The following NR5A2 variants were observed in gnomAD, a reference collection of about 807,000 sequenced individuals.
The protein encoded by NR5A2 is CYP7A promoter-binding factor.
In NR5A2, 26 loss-of-function variants were observed where a neutral mutation model predicts 62.7. The ratio of observed to expected loss-of-function variants is 0.41; its 90% CI spans 0.30 to 0.58. NR5A2 has a LOEUF of 0.58. NR5A2 is among the 20% of genes least tolerant of loss of function. NR5A2 has a pLI of 0.22. For missense variants in NR5A2, 541 were observed against 669.1 expected, an observed-to-expected ratio of 0.81 and a Z score of 2.11; for synonymous variants, 246 against 241.7, an observed-to-expected ratio of 1.02 and a Z score of -0.16.
intron 5 of NR5A2, among the ~76,000 whole-genome samples, chr1:200,056,841 A>C (rs1161770487): frequency 6.6e-6 from 1 of 152,176 alleles, no homozygotes; most frequent in East Asian, 1.9e-4. Flanking sequence ...GGCACACCCA[A>C]GAAATCCATG....
At chr1:200,148,357 GGC>G (rs1249973285) in intron 7 of NR5A2, 1 of 157,752 alleles carries the variant, frequency 6.3e-6, no homozygotes, top group African/African-American at 2.4e-5. Flanking sequence ...ACTGCAGCAT[GGC>G]CTAGCAGGGA....
chr1:200,142,237 T>G (rs1180720771), intron 7 of NR5A2, among the ~76,000 whole-genome samples: 2 of 125,908 alleles, frequency 1.6e-5, no homozygotes, highest in Non-Finnish European at 3.2e-5. Flanking sequence ...CCTTGCTCTG[T>G]TGCCCAGGCT....
chr1:200,113,484 A>C (rs1292123126), intron 6 of NR5A2, among the ~76,000 whole-genome samples: 2 of 152,260 alleles, frequency 1.3e-5, no homozygotes, highest in Admixed American at 1.3e-4. Flanking sequence ...ATAGGATGGA[A>C]GCAAAAGTGC....
At chr1:200,033,137 ACTCTGGAGTTTCCTGGAAAGGAT>A (rs1177102913) in intron 1 of NR5A2, among the ~76,000 whole-genome samples, 1 of 152,054 alleles carries the variant, frequency 6.6e-6, no homozygotes, top group Non-Finnish European at 1.5e-5. Context: ...CTGGTCCCCT[ACTCTGGAGTTTCCTGGAAAGGAT>A]CTCTGGAGTT....
intron 5 of NR5A2, among the ~76,000 whole-genome samples, chr1:200,097,373 A>G (rs143698386): frequency 6.6e-6 from 1 of 152,298 alleles, no homozygotes; most frequent in African/African-American, 2.4e-5. Flanking sequence ...CAAGGGAGAC[A>G]AAAGAACTCC....
chr1:200,126,432 C>T (rs1666703278), intron 7 of NR5A2, among the ~76,000 whole-genome samples: 1 of 152,118 alleles, frequency 6.6e-6, no homozygotes, highest in Admixed American at 6.5e-5. Flanking sequence ...TTTTACTCCT[C>T]ATGTACTGCC....
chr1:200,095,787 T>C (rs572162809), intron 5 of NR5A2, among the ~76,000 whole-genome samples: 6 of 151,934 alleles, frequency 3.9e-5, no homozygotes, highest in Admixed American at 1.3e-4. Flanking sequence ...CTCCTGACCT[T>C]GTGATCTGCC....
intron 7 of NR5A2, among the ~76,000 whole-genome samples, chr1:200,161,832 G>A (rs1032579654): frequency 6.6e-6 from 1 of 152,148 alleles, no homozygotes; most frequent in Non-Finnish European, 1.5e-5. Flanking sequence ...GTATTCATGG[G>A]CACTGAATAC....
intron 6 of NR5A2, 149 bp downstream of exon 6, chr1:200,111,470 C>G (rs1665954932): frequency 1.2e-6 from 1 of 800,900 alleles, no homozygotes; most frequent in Admixed American, 3.0e-5. Flanking sequence ...TTGGTGCACT[C>G]TGTTCCTGCT....
rs549965292 is a variant in NR5A2, at chr1:200,135,860, C to T, written c.1378+14905C>T. Among the ~76,000 whole-genome samples, 30 of 152,298 alleles carry T rather than the reference C, an allele frequency of 2.0e-4. No individual in the cohort carries two copies. In the South Asian group the frequency reaches 5.6e-3, roughly 28 times the overall value. On this transcript the variant is annotated intron_variant, in intron 7 of 7. Coordinates refer to ENST00000367362, the MANE Select transcript of NR5A2 (RefSeq NM_205860.3). ...AGTCATAGAAATGAAGGCTGCTTAT[C>T]GGGAAATGCCTCTTCTCAGATACAA...
chr1:200,097,761 A>G (rs1293818774), intron 5 of NR5A2, among the ~76,000 whole-genome samples: 2 of 152,190 alleles, frequency 1.3e-5, no homozygotes, highest in African/African-American at 4.8e-5. Context: ...GGGAGTGTGT[A>G]GGCGGTGTGT....
At chr1:200,130,959 A>G (rs1000122449) in intron 7 of NR5A2, among the ~76,000 whole-genome samples, 1 of 152,246 alleles carries the variant, frequency 6.6e-6, no homozygotes, top group Admixed American at 6.5e-5. Context: ...TTTCATATGT[A>G]ATATTCTAAT....
intron 7 of NR5A2, among the ~76,000 whole-genome samples, chr1:200,150,251 A>G (rs1398806512): frequency 6.6e-6 from 1 of 152,224 alleles, no homozygotes; most frequent in Non-Finnish European, 1.5e-5. Context: ...TCCTTGGTAG[A>G]CATTTAGTGG....
Position 200,147,546 on chromosome 1 carries a change from T to A in NR5A2, c.1379-26417T>A, listed in dbSNP as rs1667763389. On this transcript the variant is annotated intron_variant, in intron 7 of 7. Transcript: ENST00000367362. The surrounding 1 kb of genome is among the most constrained non-coding windows in gnomAD (Gnocchi z 4.9). ...TTTGCTGTTTCTGTGATTTCCTTGG[T>A]TTCTCCATTGGTGTGCTTAAAGCGA... 2 of 690,922 alleles carry A rather than the reference T, an allele frequency of 2.9e-6. No individual in the cohort carries two copies. Among genetic ancestry groups the A allele is most frequent in the African/African-American group, 3.6e-5 (2 of 56,128 alleles). 42.8% of individuals were successfully genotyped at this position (690,922 alleles called of 1,614,324 possible). A position where few individuals can be genotyped will look rare whatever the true frequency, so the allele number is the denominator to read the frequency against.
At chr1:200,097,016 A>T (rs950840789) in intron 5 of NR5A2, among the ~76,000 whole-genome samples, 1 of 152,196 alleles carries the variant, frequency 6.6e-6, no homozygotes, top group Admixed American at 6.5e-5. Flanking sequence ...TGCATGCATG[A>T]GTAATTATGT....
intron 5 of NR5A2, among the ~76,000 whole-genome samples, chr1:200,072,057 T>A (rs535918298): frequency 1.2e-4 from 18 of 152,182 alleles, no homozygotes; most frequent in Non-Finnish European, 2.6e-4. Flanking sequence ...GGTATGACTA[T>A]CTTCACAAGG....
rs1004939675 is a variant in NR5A2 at position 200,074,821 on chromosome 1, TAAAA to T, written c.1110+26010_1110+26013del. ...TTTTTAAATCACTATGGACTGGAAT[TAAAA>T]AAAAAACTTCTCCAAATATGGATAT... On this transcript the variant is annotated intron_variant, in intron 5 of 7. Transcript: ENST00000367362. Among the ~76,000 whole-genome samples, 10 of 143,736 alleles carry T rather than the reference TAAAA, an allele frequency of 7.0e-5. No homozygotes were observed. The East Asian group carries it at 1.9e-3, about 27-fold the overall frequency. The allele number at this position is 143,736 out of a possible 152,430, so 94.3% of individuals were successfully genotyped here.
Position 200,111,317 on chromosome 1 carries a change from A to G in NR5A2, c.1226A>G (p.Gln409Arg), listed in dbSNP as rs777379743. The change falls in exon 6 of 8, where the codon CAA becomes CGA. Residue 409 changes from glutamine (Q) to arginine (R), a missense_variant. Gln to Arg is a conservative substitution (Grantham distance 43). This residue lies in a region of NR5A2 where 379 missense variants were observed against 442.0 expected (regional missense o/e 0.86). Coordinates refer to ENST00000367362, the MANE Select transcript of NR5A2 (RefSeq NM_205860.3). ...KEGSIFLVTG[Q>R]QVDYSIIASQ... ...GGATCCATCTTCCTGGTTACTGGGC[A>G]ACAAGTGAGTGTAGAGACCAAAAAA... 5.6e-6 allele frequency: 9 copies of G among 1,608,194 alleles called. No individual in the cohort carries two copies. Among genetic ancestry groups the G allele is most frequent in the Non-Finnish European group, 5.9e-6 (7 of 1,178,566 alleles).
At chr1:200,150,511 T>A (rs1653030754) in intron 7 of NR5A2, among the ~76,000 whole-genome samples, 1 of 152,178 alleles carries the variant, frequency 6.6e-6, no homozygotes, top group South Asian at 2.1e-4. Flanking sequence ...CAAACAATGC[T>A]CAAAGCTCCA....
Sources: gnomAD v4.1 joint callset for allele counts (sites outside exome capture counted in the v4.1 genomes callset) on GRCh38, gnomAD v4.1.1 for gene constraint, gnomAD v4.1.1 regional missense constraint, Gnocchi (gnomAD v3.1) non-coding constraint, MANE v1.5 for transcripts, NCBI Gene and HGNC (gene_info 2026-07-23, HGNC 2026-07-21) for gene names.